ATP9A: variants seen among roughly 807,000 people sequenced by gnomAD.
The protein encoded by ATP9A is ATPase phospholipid transporting 9A.
A neutral mutation model predicts 144.1 loss-of-function variants in ATP9A; 52 were observed. The ratio of observed to expected loss-of-function variants is 0.36; its 90% confidence interval spans 0.29 to 0.45. The LOEUF is 0.45. Among genes scored for constraint, ATP9A ranks in the 20% least tolerant of loss-of-function variants. ATP9A has a pLI of 1.00. For missense variants in ATP9A, 947 were observed against 1,392.7 expected (o/e 0.68, Z 5.09); for synonymous variants, 582 against 557.4 (o/e 1.04, Z -0.62).
chr20:51,658,893 G>GGC lies in ATP9A; in HGVS notation c.1294-1744_1294-1743insGC, dbSNP rs1568807178. On this transcript the variant is annotated intron_variant, in intron 13 of 27. Coordinates refer to ENST00000338821, the MANE Select transcript of ATP9A (RefSeq NM_006045.3). ...ATGAAAATTAAGACCACTGGCGGGG[G>GGC]GGGGGGGGGGAAGGCTCATTGTTGA... 9.2e-5 allele frequency among the ~76,000 whole-genome samples: 11 copies of GGC among 119,654 alleles called. 1 individual carries two copies. Among genetic ancestry groups the GGC allele is most frequent in the South Asian group, 5.6e-4 (2 of 3,598 alleles). 78.5% of individuals were successfully genotyped at this position (119,654 alleles called of 152,430 possible). A position where few individuals can be genotyped will look rare whatever the true frequency, so the allele number is the denominator to read the frequency against.
At chr20:51,697,253 G>A (rs1202423475) in intron 5 of ATP9A, among the ~76,000 whole-genome samples, 171 bp downstream of exon 5, 1 of 151,398 alleles carries the variant, frequency 6.6e-6, no homozygotes, top group Non-Finnish European at 1.5e-5. Flanking sequence ...GTGTGTGTCT[G>A]TGTGTGTGTG....
chr20:51,759,089 CA>C (rs2077868293), intron 1 of ATP9A, among the ~76,000 whole-genome samples: 1 of 152,186 alleles, frequency 6.6e-6, no homozygotes, highest in Non-Finnish European at 1.5e-5. Flanking sequence ...CAAGGCAGAG[CA>C]AGGGAGGACC....
At chr20:51,659,670 C>A (rs944767217) in intron 13 of ATP9A, among the ~76,000 whole-genome samples, 7 of 152,174 alleles carry the variant, frequency 4.6e-5, no homozygotes, top group African/African-American at 1.7e-4. Context: ...TGATCTGATC[C>A]TTTAAAATGA....
At chr20:51,630,079 C>A (rs2122734215) in intron 15 of ATP9A, among the ~76,000 whole-genome samples, 1 of 152,374 alleles carries the variant, frequency 6.6e-6, no homozygotes, top group South Asian at 2.1e-4. Flanking sequence ...CAATGTCCTA[C>A]TAGCATCTGA....
chr20:51,677,815 T>C (rs1016335958), intron 9 of ATP9A, among the ~76,000 whole-genome samples: 1 of 152,016 alleles, frequency 6.6e-6, no homozygotes, highest in African/African-American at 2.4e-5. Context: ...ACATGGCCAG[T>C]GAACAAGAGG....
At chr20:51,603,679 G>A (rs1488205141) in intron 27 of ATP9A, among the ~76,000 whole-genome samples, 1 of 152,052 alleles carries the variant, frequency 6.6e-6, no homozygotes, top group Non-Finnish European at 1.5e-5. Context: ...AAGAGTACCT[G>A]GAATCACTAC....
intron 14 of ATP9A, among the ~76,000 whole-genome samples, chr20:51,651,347 T>C (rs2077365420): frequency 8.2e-6 from 1 of 121,524 alleles, no homozygotes; most frequent in Admixed American, 8.6e-5. Context: ...ATATATTATA[T>C]AATATATATT....
chr20:51,625,715 T>C (rs1432236688), intron 17 of ATP9A, among the ~76,000 whole-genome samples: 6 of 152,162 alleles, frequency 3.9e-5, no homozygotes, highest in Admixed American at 3.3e-4. Flanking sequence ...AAACAGTAAG[T>C]TCTCCCATAC....
At chr20:51,748,704 C>T (rs958721817) in intron 1 of ATP9A, among the ~76,000 whole-genome samples, 1 of 152,178 alleles carries the variant, frequency 6.6e-6, no homozygotes, top group Non-Finnish European at 1.5e-5. Context: ...TTCACTTCAG[C>T]CATTCCCCTT....
At chr20:51,708,719 G>A (rs1243338806) in intron 4 of ATP9A, among the ~76,000 whole-genome samples, 1 of 152,194 alleles carries the variant, frequency 6.6e-6, no homozygotes, top group Non-Finnish European at 1.5e-5. Flanking sequence ...CTGGGCGACA[G>A]AGCAAGACTC....
Position 51,732,406 on chromosome 20 carries a change from CTTCCCTTG to C in ATP9A, c.69-2436_69-2429del, listed in dbSNP as rs1224716169. On this transcript the variant is annotated intron_variant, in intron 1 of 27. Coordinates refer to ENST00000338821, the MANE Select transcript of ATP9A (RefSeq NM_006045.3). ...TACTCGTCCACCACAGACCTTCCTT[CTTCCCTTG>C]TTCCCACAGAGCAGGTCCTGGTGGG... 3 of 152,398 alleles carry C rather than the reference CTTCCCTTG, an allele frequency of 2.0e-5. No homozygotes were observed. The East Asian group carries it at 5.8e-4, about 29-fold the overall frequency. The allele number at this position is 152,398 out of a possible 1,614,324, so 9.4% of individuals were successfully genotyped here.
intron 1 of ATP9A, among the ~76,000 whole-genome samples, chr20:51,753,101 T>C (rs1254303797): frequency 1.4e-5 from 2 of 143,272 alleles, no homozygotes; most frequent in Non-Finnish European, 3.0e-5. Context: ...AGACTCTGTC[T>C]CAAAAAAAAA....
At chr20:51,643,607 CA>C (rs1320869780) in intron 14 of ATP9A, among the ~76,000 whole-genome samples, 1 of 152,148 alleles carries the variant, frequency 6.6e-6, no homozygotes, top group Non-Finnish European at 1.5e-5. Context: ...AACAGGCCCT[CA>C]CCAGACACCA....
chr20:51,616,238 CA>C (rs773738716), intron 22 of ATP9A, among the ~76,000 whole-genome samples: 10 of 152,208 alleles, frequency 6.6e-5, no homozygotes, highest in Non-Finnish European at 1.2e-4. Context: ...CAGCCAAAGT[CA>C]TGAAGCTATG....
chr20:51,625,044 G>C, intron 18 of ATP9A, 148 bp downstream of exon 18: 1 of 563,674 alleles, frequency 1.8e-6, no homozygotes, highest in South Asian at 3.5e-5. Flanking sequence ...TGGAGGGGCA[G>C]AAACAGTGCC....
At chr20:51,653,680 G>T (rs1414247217) in intron 14 of ATP9A, among the ~76,000 whole-genome samples, 1 of 151,940 alleles carries the variant, frequency 6.6e-6, no homozygotes, top group Non-Finnish European at 1.5e-5. Context: ...CCAACTACTT[G>T]GGAAGCTGAG....
intron 26 of ATP9A, among the ~76,000 whole-genome samples, 159 bp downstream of exon 26, chr20:51,607,368 C>A (rs373552661): frequency 9.2e-5 from 14 of 152,326 alleles, no homozygotes; most frequent in African/African-American, 3.1e-4. Context: ...ATGTTCAAGT[C>A]CTTATACAGG....
At chr20:51,680,974 A>G (rs1034996202) in intron 9 of ATP9A, among the ~76,000 whole-genome samples, 11 of 152,236 alleles carry the variant, frequency 7.2e-5, no homozygotes, top group Middle Eastern at 3.4e-3. Flanking sequence ...ATAACCGAGC[A>G]CACAGAGAGG....
chr20:51,688,327 T>C (rs1325042133), intron 9 of ATP9A, among the ~76,000 whole-genome samples: 1 of 152,142 alleles, frequency 6.6e-6, no homozygotes, highest in African/African-American at 2.4e-5. Context: ...GTGCAGTGGC[T>C]CACATCTGTA....
Sources: gnomAD v4.1 joint callset for allele counts (sites outside exome capture counted in the v4.1 genomes callset) on GRCh38, gnomAD v4.1.1 for gene constraint, MANE v1.5 for transcripts, NCBI Gene and HGNC (gene_info 2026-07-23, HGNC 2026-07-21) for gene names.